CCNYL1: variants seen among roughly 807,000 people sequenced by gnomAD.
CCNYL1 encodes cyclin-Y-like protein 1.
In CCNYL1, 16 loss-of-function variants were observed where a neutral mutation model predicts 44.2. The ratio of observed to expected loss-of-function variants is 0.36; its 90% CI spans 0.25 to 0.55. The LOEUF (loss-of-function observed/expected upper bound fraction) is 0.55, where lower values mean the gene tolerates loss of function less well. CCNYL1 is among the 20% of genes least tolerant of loss of function. CCNYL1 has a pLI of 0.85. For missense variants in CCNYL1, 348 were observed against 451.8 expected (o/e 0.77, Z 2.08); for synonymous variants, 159 against 163.2 (o/e 0.97, Z 0.20).
At chr2:207,725,282 A>C (rs957688500) in intron 2 of CCNYL1, among the ~76,000 whole-genome samples, 1 of 152,034 alleles carries the variant, frequency 6.6e-6, no homozygotes, top group East Asian at 1.9e-4. Context: ...ATGAGCCACC[A>C]TGTCCGGCTA....
At position 207,719,441 on chromosome 2, in the gene CCNYL1, C is replaced by T. The variant is rs539019533; in HGVS notation, c.221-5359C>T. On this transcript the variant is annotated intron_variant, in intron 1 of 9. Transcript: ENST00000295414. ...TCAGCCTCCTGAGTAGCTGGGACTA[C>T]AGGCATGTGCCACCACGCCCAGCTA... is the stretch of plus-strand genomic sequence containing the variant. Among the ~76,000 whole-genome samples, 135 of 151,490 alleles carry T rather than the reference C, an allele frequency of 8.9e-4. 2 individuals are homozygous for T. The Middle Eastern group carries it at 0.01, about 11-fold the overall frequency.
At position 207,754,089 on chromosome 2, in the gene CCNYL1, C is replaced by G. The variant is rs1049010574; in HGVS notation, c.*391C>G. Reference sequence around the variant, plus strand: ...TATGTTTCTTCCAGTTTCTCTCCCTCCCCCCGCATTTTGCTGCATATGCCT... The same window carrying G: ...TATGTTTCTTCCAGTTTCTCTCCCTGCCCCCGCATTTTGCTGCATATGCCT... On this transcript the variant is annotated 3_prime_UTR_variant, in exon 10 of 10. Coordinates refer to ENST00000295414, the MANE Select transcript of CCNYL1 (RefSeq NM_001330218.2). 1 of 158,230 alleles carries G rather than the reference C, an allele frequency of 6.3e-6. No homozygotes were observed. Among genetic ancestry groups the G allele is most frequent in the Admixed American group, 6.4e-5 (1 of 15,562 alleles). 9.8% of individuals were successfully genotyped at this position (158,230 alleles called of 1,614,324 possible).
intron 5 of CCNYL1, among the ~76,000 whole-genome samples, chr2:207,740,289 G>A (rs1343008806): frequency 6.6e-6 from 1 of 152,182 alleles, no homozygotes; most frequent in Non-Finnish European, 1.5e-5. Flanking sequence ...AGTCATTAAA[G>A]TTCTAAAGAG....
At chr2:207,733,865 T>G in intron 3 of CCNYL1, 82 bp from the exon 4 acceptor site, 2 of 829,836 alleles carry the variant, frequency 2.4e-6, no homozygotes, top group Non-Finnish European at 4.1e-6. Flanking sequence ...GCTTTATCAT[T>G]TGACATTTTA....
At chr2:207,723,384 A>G (rs1210145360) in intron 1 of CCNYL1, among the ~76,000 whole-genome samples, 4 of 152,228 alleles carry the variant, frequency 2.6e-5, no homozygotes, top group African/African-American at 9.6e-5. Flanking sequence ...TACTAGACTG[A>G]TTAGTTTTTA....
intron 1 of CCNYL1, among the ~76,000 whole-genome samples, chr2:207,715,624 G>A (rs139358034): frequency 6.7e-6 from 1 of 149,680 alleles, no homozygotes; most frequent in Non-Finnish European, 1.5e-5. Context: ...AAGCGATCCA[G>A]CTGCCTTGGC....
Position 207,755,188 on chromosome 2 carries a change from A to C in CCNYL1, c.*1490A>C, listed in dbSNP as rs759862426. The C allele has an allele frequency of 9.2e-5, 14 of 152,144 alleles. No individual in the cohort carries two copies. The highest frequency in any genetic ancestry group is 1.9e-4 in the Non-Finnish European group (13 of 68,072). The allele number at this position is 152,144 out of a possible 1,614,324, so 9.4% of individuals were successfully genotyped here. A position where few individuals can be genotyped will look rare whatever the true frequency, so the allele number is the denominator to read the frequency against. Reference sequence around the variant, plus strand: ...GAGTGCAGGAGTTCAAGACCAGTCTAGGCAACATAGTGAGACCCTGCCTGT... The same window carrying C: ...GAGTGCAGGAGTTCAAGACCAGTCTCGGCAACATAGTGAGACCCTGCCTGT... On this transcript the variant is annotated 3_prime_UTR_variant, in exon 10 of 10. Coordinates refer to ENST00000295414, the MANE Select transcript of CCNYL1 (RefSeq NM_001330218.2).
chr2:207,740,380 C>T (rs1269994420), intron 5 of CCNYL1, among the ~76,000 whole-genome samples: 4 of 152,144 alleles, frequency 2.6e-5, no homozygotes, highest in Non-Finnish European at 5.9e-5. Flanking sequence ...TACTTTATTA[C>T]CATTGCCTGT....
At chr2:207,717,576 G>C (rs111599027) in intron 1 of CCNYL1, among the ~76,000 whole-genome samples, 1 of 152,168 alleles carries the variant, frequency 6.6e-6, no homozygotes, top group African/African-American at 2.4e-5. Context: ...TTGGGGAGGA[G>C]GACAGTTACA....
At position 207,747,076 on chromosome 2, in the gene CCNYL1, T is replaced by C. The variant is rs1344850107; in HGVS notation, c.669T>C (p.Ala223=). 1 of 1,614,032 alleles carries C rather than the reference T, an allele frequency of 6.2e-7. No homozygotes were observed. Among genetic ancestry groups the C allele is most frequent in the African/African-American group, 1.3e-5 (1 of 74,916 alleles). Residue 223 remains alanine, a synonymous_variant, in exon 8 of 10, where the codon GCT becomes GCC. Transcript: ENST00000295414. ...ACTTAGAAAGGCTTTTAACTTATGC[T>C]GAAATCGACATTTGTCCCACCAACT... The part of the protein sequence containing the change: ...LVYLERLLTY[A]EIDICPTNWK...
chr2:207,712,016 G>C lies in CCNYL1; in HGVS notation c.120G>C (p.Ala40=), dbSNP rs2091552435. The change falls in exon 1 of 10, where the codon GCG becomes GCC. Residue 40 remains alanine (A), a synonymous_variant. Coordinates refer to ENST00000295414, the MANE Select transcript of CCNYL1 (RefSeq NM_001330218.2). ...TCTACGAGGCGGTGTCCGGGGACGC[G>C]GTGGCGGTAGCGCCCGCTGTGGTGG... ...SDIYEAVSGD[A]VAVAPAVVEP... is the part of the protein sequence containing the mutation. The C allele has an allele frequency of 3.4e-6, 5 of 1,489,354 alleles. No individual in the cohort carries two copies. The South Asian group carries it at 6.6e-5, about 20-fold the overall frequency. 92.3% of individuals were successfully genotyped at this position (1,489,354 alleles called of 1,614,324 possible).
At chr2:207,730,836 T>C (rs2091720893) in intron 3 of CCNYL1, among the ~76,000 whole-genome samples, 1 of 152,194 alleles carries the variant, frequency 6.6e-6, no homozygotes, top group South Asian at 2.1e-4. Context: ...CTGTCAATCC[T>C]GTTGCCTGCT....
At chr2:207,741,825 G>A (rs560233668) in intron 6 of CCNYL1, among the ~76,000 whole-genome samples, 10 of 139,318 alleles carry the variant, frequency 7.2e-5, no homozygotes, top group South Asian at 4.6e-4. Flanking sequence ...CAGCCTGGGC[G>A]ACAGAGCAAG....
chr2:207,737,466 G>A lies in CCNYL1; in HGVS notation c.467+20G>A. 1 of 1,599,712 alleles carries A rather than the reference G, an allele frequency of 6.3e-7. No homozygotes were observed. The highest frequency in any genetic ancestry group is 8.6e-7 in the Non-Finnish European group (1 of 1,169,218). On this transcript the variant is annotated intron_variant, in intron 5 of 9. Coordinates refer to ENST00000295414, the MANE Select transcript of CCNYL1 (RefSeq NM_001330218.2). ...GAACAGGTGAGCTCCTTTAAAACCT[G>A]TCTTGTTATTCCAGCTAATTACTTT...
At chr2:207,724,903 G>A in intron 2 of CCNYL1, 29 bp downstream of exon 2, 2 of 1,523,334 alleles carry the variant, frequency 1.3e-6, no homozygotes, top group Non-Finnish European at 1.8e-6. Context: ...TTCCTTCCAA[G>A]GAAAAGACTG....
chr2:207,740,621 A>G (rs1379602391), intron 5 of CCNYL1, 34 bp from the exon 6 acceptor site: 1 of 1,416,402 alleles, frequency 7.1e-7, no homozygotes, highest in African/African-American at 1.4e-5. Context: ...CAATTCCTGA[A>G]TTAACTTCTT....
At chr2:207,715,141 A>G (rs1041941388) in intron 1 of CCNYL1, among the ~76,000 whole-genome samples, 53 of 152,116 alleles carry the variant, frequency 3.5e-4, no homozygotes, top group African/African-American at 1.3e-3. Context: ...GGTGGCGGGC[A>G]TCTGTAATCC....
At chr2:207,723,791 C>G (rs1461749571) in intron 1 of CCNYL1, among the ~76,000 whole-genome samples, 2 of 144,694 alleles carry the variant, frequency 1.4e-5, no homozygotes, top group African/African-American at 5.2e-5. Context: ...AGGAGAATTG[C>G]TTGAATCCTG....
intron 8 of CCNYL1, among the ~76,000 whole-genome samples, chr2:207,747,750 A>C (rs1311466630): frequency 6.6e-6 from 1 of 151,980 alleles, no homozygotes; most frequent in Non-Finnish European, 1.5e-5. Context: ...AGTAGAGACG[A>C]GGTTTCACTG....
Sources: allele counts gnomAD v4.1 joint callset (sites outside exome capture counted in the v4.1 genomes callset), GRCh38; gene constraint gnomAD v4.1.1; transcripts MANE v1.5; gene names NCBI Gene and HGNC (gene_info 2026-07-23, HGNC 2026-07-21).